The following SLC24A2 variants were observed in gnomAD, a reference collection of about 807,000 sequenced individuals.
The protein encoded by SLC24A2 is solute carrier family 24 member 2.
Under a neutral mutation model 62.0 loss-of-function variants are expected in SLC24A2, and 36 were observed. The observed-to-expected ratio is 0.58, with a 90% CI of 0.44 to 0.77. The LOEUF is 0.77. Ranked by LOEUF, SLC24A2 falls within the 30% of genes least tolerant of loss-of-function variation. The pLI is 0.00. For synonymous variants in SLC24A2, 358 were observed against 294.0 expected (o/e 1.22, Z -2.23); for missense variants, 846 against 817.9 (o/e 1.03, Z -0.42).
At position 19,761,492 on chromosome 9, in the gene SLC24A2, A is replaced by G. The variant is rs1464173147; in HGVS notation, c.930+24445T>C. 3.4e-5 allele frequency among the ~76,000 whole-genome samples: 5 copies of G among 148,880 alleles called. No individual in the cohort carries two copies. In the South Asian group the frequency reaches 6.5e-4, roughly 19 times the overall value. ...TTTTTATTTTATTTTATTTTATTTT[A>G]TTATTATACTTTAAGTTTTAGGGTA... On this transcript the variant is annotated intron_variant, in intron 2 of 10. Coordinates refer to ENST00000341998, the MANE Select transcript of SLC24A2 (RefSeq NM_020344.4).
chr9:19,992,497 G>A, the SLC24A2 span, among the ~76,000 whole-genome samples: 13 of 152,214 alleles, frequency 8.5e-5, no homozygotes, highest in East Asian at 1.9e-4. Context: ...ACAATTTACC[G>A]TTCCATTCAA....
chr9:20,014,193 G>C, the SLC24A2 span, among the ~76,000 whole-genome samples: 1 of 152,238 alleles, frequency 6.6e-6, no homozygotes, highest in South Asian at 2.1e-4. Context: ...GGGTGACAGA[G>C]CAAGACCATG....
the SLC24A2 span, among the ~76,000 whole-genome samples, chr9:20,247,213 T>C: frequency 3.9e-4 from 59 of 152,304 alleles, no homozygotes; most frequent in African/African-American, 1.4e-3. Flanking sequence ...GGGCATTTCC[T>C]GACATCTCCA....
the SLC24A2 span, among the ~76,000 whole-genome samples, chr9:20,258,706 C>G: frequency 3.9e-5 from 6 of 152,106 alleles, no homozygotes; most frequent in Admixed American, 2.6e-4. Context: ...TGGTCTGTCA[C>G]GGGTGTTCTC....
intron 2 of SLC24A2, among the ~76,000 whole-genome samples, chr9:19,661,197 CTT>C (rs368134064): frequency 6.8e-6 from 1 of 147,678 alleles, no homozygotes; most frequent in Non-Finnish European, 1.5e-5. Context: ...CTTAAATGAC[CTT>C]TTTTTTTTTT....
chr9:20,134,668 T>C, the SLC24A2 span, among the ~76,000 whole-genome samples: 1 of 152,192 alleles, frequency 6.6e-6, no homozygotes, highest in African/African-American at 2.4e-5. Flanking sequence ...CCATTAGTTT[T>C]CTTTGAAAAA....
At chr9:20,119,471 T>C in the SLC24A2 span, among the ~76,000 whole-genome samples, 21 of 152,290 alleles carry the variant, frequency 1.4e-4, no homozygotes, top group South Asian at 3.9e-3. Context: ...AATCCATCAG[T>C]TGTTTTCCAC....
At chr9:19,866,929 G>T in the SLC24A2 span, among the ~76,000 whole-genome samples, 4,763 of 152,126 alleles carry the variant, frequency 0.031, 228 homozygotes, top group African/African-American at 0.11. Context: ...TACTGGGGGG[G>T]TTGGATGGGA....
chr9:20,295,921 C>T, the SLC24A2 span, among the ~76,000 whole-genome samples: 1 of 152,114 alleles, frequency 6.6e-6, no homozygotes, highest in Non-Finnish European at 1.5e-5. Flanking sequence ...AAATCTATAT[C>T]CTTTTGGTTC....
the SLC24A2 span, among the ~76,000 whole-genome samples, chr9:19,945,082 A>C: frequency 6.6e-6 from 1 of 152,214 alleles, no homozygotes; most frequent in African/African-American, 2.4e-5. Flanking sequence ...GAATCCGGAC[A>C]GCAAAATCAG....
At chr9:19,853,200 G>T in the SLC24A2 span, among the ~76,000 whole-genome samples, 1 of 152,172 alleles carries the variant, frequency 6.6e-6, no homozygotes, top group South Asian at 2.1e-4. Context: ...AGCTTAAGAA[G>T]CTTTTGGGCT....
intron 2 of SLC24A2, among the ~76,000 whole-genome samples, chr9:19,746,271 T>A (rs999962647): frequency 6.6e-6 from 1 of 152,136 alleles, no homozygotes; most frequent in African/African-American, 2.4e-5. Flanking sequence ...ATTTTATTTA[T>A]CTTTTGTTCA....
intron 8 of SLC24A2, among the ~76,000 whole-genome samples, chr9:19,534,170 G>A (rs1260543857): frequency 1.3e-5 from 2 of 152,140 alleles, no homozygotes; most frequent in Admixed American, 6.5e-5. Context: ...GCTGTGGGGG[G>A]AAAACCCATC....
At chr9:20,241,503 G>A in the SLC24A2 span, among the ~76,000 whole-genome samples, 7 of 152,284 alleles carry the variant, frequency 4.6e-5, no homozygotes, top group African/African-American at 1.7e-4. Flanking sequence ...TACAGACTAT[G>A]AGAGTATTAC....
chr9:20,095,420 T>G, the SLC24A2 span, among the ~76,000 whole-genome samples: 2 of 152,346 alleles, frequency 1.3e-5, no homozygotes, highest in South Asian at 4.1e-4. Flanking sequence ...GATTAATATT[T>G]AAATAAGTAG....
the SLC24A2 span, among the ~76,000 whole-genome samples, chr9:20,067,854 T>C: frequency 0.04 from 6,032 of 152,172 alleles, 396 homozygotes; most frequent in African/African-American, 0.14. Flanking sequence ...TATATCAGCA[T>C]ATGTGTCTGT....
chr9:19,786,005 T>C lies in SLC24A2; in HGVS notation c.862A>G (p.Lys288Glu). ...CGGTTTATCATTTGCTTCACCCATT[T>C]TTCTACTTGGACGTTGAATTTCATG... The part of the protein sequence containing the change: ...VFMKFNVQVE[K>E]WVKQMINRNK... The change falls in exon 2 of 11, where the codon AAA (lysine) becomes GAA (glutamate). Residue 288 changes from lysine to glutamate, a missense_variant. Transcript: ENST00000341998. This position sits in a 1 kb window ranked among gnomAD's most constrained non-coding sequence, Gnocchi z 5.0. 6.2e-7 allele frequency: 1 copy of C among 1,614,180 alleles called. No individual in the cohort carries two copies. The highest frequency in any genetic ancestry group is 1.3e-5 in the African/African-American group (1 of 75,074).
intron 8 of SLC24A2, among the ~76,000 whole-genome samples, chr9:19,543,976 G>C (rs1045762475): frequency 1.3e-5 from 2 of 152,112 alleles, no homozygotes; most frequent in East Asian, 3.8e-4. Context: ...TTCAAGTCCT[G>C]GATATCCTTG....
chr9:19,895,420 A>C, the SLC24A2 span, among the ~76,000 whole-genome samples: 1 of 152,242 alleles, frequency 6.6e-6, no homozygotes. Flanking sequence ...ATTGTCCAAT[A>C]AGTCCTGCTG....
Sources: gnomAD v4.1 joint callset for allele counts (sites outside exome capture counted in the v4.1 genomes callset) on GRCh38, gnomAD v4.1.1 for gene constraint, Gnocchi (gnomAD v3.1) non-coding constraint, MANE v1.5 for transcripts, NCBI Gene and HGNC (gene_info 2026-07-23, HGNC 2026-07-21) for gene names.